CHCHD6: variants seen among roughly 807,000 people sequenced by gnomAD.
CHCHD6 encodes MICOS complex subunit MIC25.
In CHCHD6, 28 loss-of-function variants were observed where a neutral mutation model predicts 32.3. The observed-to-expected ratio is 0.87, with a 90% CI of 0.64 to 1.19. The LOEUF is 1.19. Ranked by LOEUF, CHCHD6 falls within the 50% of genes most tolerant of loss-of-function variation. The pLI, the probability that CHCHD6 is intolerant of heterozygous loss-of-function variation, is 0.00. For missense variants in CHCHD6, 333 were observed against 307.0 expected (o/e 1.08, Z -0.63); for synonymous variants, 122 against 117.5 (o/e 1.04, Z -0.25).
At chr3:126,855,539 A>T (rs546670199) in intron 5 of CHCHD6, among the ~76,000 whole-genome samples, 1 of 152,296 alleles carries the variant, frequency 6.6e-6, no homozygotes, top group African/African-American at 2.4e-5. Context: ...GCATGCACAC[A>T]TATATGCATG....
rs1939822210 is a variant in CHCHD6 at position 126,815,101 on chromosome 3, TTTC to T, written c.412-37543_412-37541del. 5.3e-5 allele frequency among the ~76,000 whole-genome samples: 8 copies of T among 152,336 alleles called. No individual in the cohort carries two copies. The South Asian group carries it at 1.7e-3, about 32-fold the overall frequency. ...GGGCAGAGGAAAAATGATTTGAGTT[TTTC>T]TTAACAGAATCTAATCCAAATCTAG... On this transcript the variant is annotated intron_variant, in intron 4 of 7. Transcript: ENST00000290913.
At chr3:126,717,786 T>TGC (rs1935090357) in intron 1 of CHCHD6, among the ~76,000 whole-genome samples, 3 of 98,166 alleles carry the variant, frequency 3.1e-5, no homozygotes, top group African/African-American at 4.2e-5. Flanking sequence ...TGTGTGTGTG[T>TGC]GGCTTAGATT....
At chr3:126,940,188 T>G (rs1205425543) in intron 6 of CHCHD6, among the ~76,000 whole-genome samples, 3 of 151,994 alleles carry the variant, frequency 2.0e-5, no homozygotes, top group Admixed American at 1.3e-4. Context: ...TACAGAAAAA[T>G]GCAAAGTTTT....
At chr3:126,770,439 C>T (rs551186216) in intron 4 of CHCHD6, among the ~76,000 whole-genome samples, 1 of 152,138 alleles carries the variant, frequency 6.6e-6, no homozygotes, top group African/African-American at 2.4e-5. Flanking sequence ...CAGCTTTTGC[C>T]CATACAATAT....
intron 4 of CHCHD6, among the ~76,000 whole-genome samples, chr3:126,829,678 T>C (rs1940552872): frequency 6.6e-6 from 1 of 152,076 alleles, no homozygotes; most frequent in Non-Finnish European, 1.5e-5. Context: ...TTGCTCTCTT[T>C]CTCTCTATCA....
intron 5 of CHCHD6, among the ~76,000 whole-genome samples, chr3:126,877,416 G>A (rs1276567620): frequency 3.9e-5 from 6 of 152,098 alleles, no homozygotes; most frequent in Admixed American, 6.5e-5. Flanking sequence ...TTAGCTGGGC[G>A]TGGTTGTAGG....
At chr3:126,762,643 ATTG>A (rs1937205238) in intron 4 of CHCHD6, among the ~76,000 whole-genome samples, 1 of 152,114 alleles carries the variant, frequency 6.6e-6, no homozygotes, top group African/African-American at 2.4e-5. Flanking sequence ...AATCTGTCAA[ATTG>A]TTGTGTTTAT....
chr3:126,814,988 GAATT>G (rs1422198558), intron 4 of CHCHD6, among the ~76,000 whole-genome samples: 2 of 152,216 alleles, frequency 1.3e-5, no homozygotes, highest in African/African-American at 2.4e-5. Context: ...GTCTGCTGTA[GAATT>G]AATTGTTTGT....
chr3:126,935,798 A>T (rs2078471413), intron 6 of CHCHD6, among the ~76,000 whole-genome samples: 1 of 152,270 alleles, frequency 6.6e-6, no homozygotes, highest in Non-Finnish European at 1.5e-5. Flanking sequence ...TAAAAACTAC[A>T]AAAAGGTGAT....
chr3:126,718,353 A>G (rs1431188375), intron 1 of CHCHD6, among the ~76,000 whole-genome samples: 2 of 152,236 alleles, frequency 1.3e-5, no homozygotes, highest in African/African-American at 4.8e-5. Context: ...TTTACATTGT[A>G]CCAACTGCTT....
At chr3:126,719,504 GGGATGTTGTGTATGATA>G (rs936128699) in intron 1 of CHCHD6, among the ~76,000 whole-genome samples, 16 of 152,186 alleles carry the variant, frequency 1.1e-4, no homozygotes, top group African/African-American at 1.7e-4. Context: ...TTCTGAAGTG[GGGATGTTGTGTATGATA>G]GGATGTTGTG....
At chr3:126,928,861 A>G (rs2078361660) in intron 6 of CHCHD6, among the ~76,000 whole-genome samples, 1 of 152,168 alleles carries the variant, frequency 6.6e-6, no homozygotes, top group Non-Finnish European at 1.5e-5. Context: ...CATCTAATCC[A>G]GTTAGATACA....
At chr3:126,864,548 T>TCCA (rs1226578878) in intron 5 of CHCHD6, among the ~76,000 whole-genome samples, 1 of 127,582 alleles carries the variant, frequency 7.8e-6, no homozygotes, top group Non-Finnish European at 1.7e-5. Flanking sequence ...CTTCTCCACC[T>TCCA]CCTCCTCCTC....
intron 5 of CHCHD6, among the ~76,000 whole-genome samples, chr3:126,861,485 C>T (rs541735914): frequency 2.0e-5 from 3 of 151,908 alleles, no homozygotes; most frequent in South Asian, 4.2e-4. Flanking sequence ...TAAAAGATTT[C>T]CATTCCCACC....
chr3:126,748,606 A>AC lies in CHCHD6; in HGVS notation c.411+15384_411+15385insC, dbSNP rs1245518562. Among the ~76,000 whole-genome samples, 2 of 152,010 alleles carry AC rather than the reference A, an allele frequency of 1.3e-5. 1 individual carries two copies. The highest frequency in any genetic ancestry group is 3.9e-4 in the East Asian group (2 of 5,184). ...TGAGACTACATCTCCAAAAAAAAAA[A>AC]AAAAAAGAAAGAAAAGAAATTACCA... is the stretch of plus-strand genomic sequence containing the variant. On this transcript the variant is annotated intron_variant, in intron 4 of 7. Coordinates refer to ENST00000290913, the MANE Select transcript of CHCHD6 (RefSeq NM_032343.3).
chr3:126,886,927 A>G (rs1448255877), intron 5 of CHCHD6, among the ~76,000 whole-genome samples: 2 of 150,430 alleles, frequency 1.3e-5, no homozygotes, highest in Non-Finnish European at 3.0e-5. Flanking sequence ...CCCTCCCTTC[A>G]CCCCTCGTCT....
chr3:126,750,416 G>T (rs569805415), intron 4 of CHCHD6, among the ~76,000 whole-genome samples: 27 of 152,240 alleles, frequency 1.8e-4, no homozygotes, highest in Non-Finnish European at 3.4e-4. Context: ...CTGGCTGGCT[G>T]TCCAAAGTAT....
At chr3:126,794,442 T>TTA (rs955819722) in intron 4 of CHCHD6, among the ~76,000 whole-genome samples, 3 of 148,980 alleles carry the variant, frequency 2.0e-5, no homozygotes, top group African/African-American at 7.3e-5. Context: ...ACATATATGT[T>TTA]TATATATATA....
At chr3:126,786,367 G>A (rs945364677) in intron 4 of CHCHD6, among the ~76,000 whole-genome samples, 3 of 152,106 alleles carry the variant, frequency 2.0e-5, no homozygotes, top group Admixed American at 6.6e-5. Context: ...TGGGTCAAAT[G>A]GTATTTCTAG....
Sources: allele counts gnomAD v4.1 joint callset (sites outside exome capture counted in the v4.1 genomes callset), GRCh38; gene constraint gnomAD v4.1.1; transcripts MANE v1.5; gene names NCBI Gene and HGNC (gene_info 2026-07-23, HGNC 2026-07-21).